LRRC7: variants seen among roughly 807,000 people sequenced by gnomAD.
LRRC7 encodes the protein leucine-rich repeat-containing protein 7.
In LRRC7, 23 loss-of-function variants were observed where a neutral mutation model predicts 175.7. That is an observed-to-expected ratio of 0.13 (90% CI 0.09 to 0.19). The LOEUF (loss-of-function observed/expected upper bound fraction) is 0.19, where lower values mean the gene tolerates loss of function less well. LRRC7 is among the 10% of genes least tolerant of loss of function. The probability of loss-of-function intolerance (pLI) is 1.00; values close to 1 mark genes in which losing one functional copy is unlikely to be tolerated. For synonymous variants in LRRC7, 685 were observed against 680.9 expected, an observed-to-expected ratio of 1.01 and a Z score of -0.09; for missense variants, 1,354 against 1,904.7, an observed-to-expected ratio of 0.71 and a Z score of 5.38.
intron 2 of LRRC7, among the ~76,000 whole-genome samples, chr1:69,701,446 A>G (rs1663340735): frequency 6.6e-6 from 1 of 152,174 alleles, no homozygotes; most frequent in Non-Finnish European, 1.5e-5. Flanking sequence ...CTCAATACAT[A>G]CTTGCTCATT....
chr1:69,710,664 TAAGGC>T (rs1242201804), intron 2 of LRRC7, among the ~76,000 whole-genome samples: 1 of 152,212 alleles, frequency 6.6e-6, no homozygotes. Context: ...TTGGAATGTC[TAAGGC>T]AGTGACCCAT....
chr1:69,859,908 A>G (rs1213134611), intron 7 of LRRC7, among the ~76,000 whole-genome samples: 1 of 151,968 alleles, frequency 6.6e-6, no homozygotes, highest in African/African-American at 2.4e-5. Flanking sequence ...AATTATATCA[A>G]TCTTTTAGTA....
chr1:69,595,976 A>G (rs1646826928), intron 1 of LRRC7, among the ~76,000 whole-genome samples: 1 of 151,690 alleles, frequency 6.6e-6, no homozygotes, highest in South Asian at 2.1e-4. Context: ...GTCTCATATA[A>G]AGTAGCTTGT....
intron 3 of LRRC7, among the ~76,000 whole-genome samples, chr1:69,784,185 C>T (rs1674131454): frequency 6.6e-6 from 1 of 151,944 alleles, no homozygotes; most frequent in Non-Finnish European, 1.5e-5. Context: ...ACACACAAAT[C>T]CAAACAATAT....
Position 70,038,994 on chromosome 1 carries a change from A to G in LRRC7, c.3170A>G (p.Gln1057Arg). ...TYGSSKGPQQ[Q>R]KASMTKKVYQ... is the part of the protein sequence containing the mutation. ...GGAAGTAGTAAGGGGCCACAACAAC[A>G]AAAAGCTTCTATGACAAAAAAAGTC... Residue 1057 changes from glutamine to arginine, a missense_variant, in exon 21 of 27, where the codon CAA becomes CGA. Gln to Arg is a conservative substitution (Grantham distance 43). Coordinates refer to ENST00000651989, the MANE Select transcript of LRRC7 (RefSeq NM_001370785.2). The G allele has an allele frequency of 6.2e-7, 1 of 1,613,980 alleles. No individual in the cohort carries two copies. The highest frequency in any genetic ancestry group is 8.5e-7 in the Non-Finnish European group (1 of 1,179,978).
chr1:69,655,024 A>G (rs540889279), intron 1 of LRRC7, among the ~76,000 whole-genome samples: 2 of 152,184 alleles, frequency 1.3e-5, no homozygotes, highest in Non-Finnish European at 2.9e-5. Context: ...GCAATGTTCT[A>G]TATCTCGAAG....
intron 7 of LRRC7, among the ~76,000 whole-genome samples, chr1:69,912,885 A>C (rs1646575506): frequency 6.6e-6 from 1 of 152,142 alleles, no homozygotes; most frequent in Non-Finnish European, 1.5e-5. Flanking sequence ...TGTTTTTTTT[A>C]ACAAATATAC....
At position 70,051,336 on chromosome 1, in the gene LRRC7, A is replaced by G. The variant is rs113386174; in HGVS notation, c.4111-1690A>G. 1.8e-3 allele frequency among the ~76,000 whole-genome samples: 275 copies of G among 152,190 alleles called. 3 individuals carry two copies. The highest frequency in any genetic ancestry group is 6.1e-3 in the African/African-American group (254 of 41,570). ...CACTAGCAAACAAACTAAGTCAGAAAAGATAAATACTAAAAATTCAAAAAG... is the reference window on the plus strand; with the variant it reads ...CACTAGCAAACAAACTAAGTCAGAAGAGATAAATACTAAAAATTCAAAAAG... On this transcript the variant is annotated intron_variant, in intron 22 of 26. Transcript: ENST00000651989.
At chr1:69,774,549 CAAAGA>C (rs1266395007) in intron 3 of LRRC7, among the ~76,000 whole-genome samples, 1 of 152,142 alleles carries the variant, frequency 6.6e-6, no homozygotes, top group Admixed American at 6.5e-5. Context: ...GCCACAGAAA[CAAAGA>C]AAAGTGAGGT....
At position 70,038,277 on chromosome 1, in the gene LRRC7, T is replaced by A. The variant is rs1659521079; in HGVS notation, c.2453T>A (p.Val818Asp). 6.2e-7 allele frequency: 1 copy of A among 1,614,070 alleles called. No individual in the cohort carries two copies. The change falls in exon 21 of 27, where the codon GTT becomes GAT. Residue 818 changes from valine (V) to aspartate (D), a missense_variant. Transcript: ENST00000651989. Reference sequence around the variant, plus strand: ...TCGCATTATGACAACACAGGGTTTGTTGCTGAGGAAACCACAGCCGAGAAT... The same window carrying A: ...TCGCATTATGACAACACAGGGTTTGATGCTGAGGAAACCACAGCCGAGAAT... Reference protein sequence around the residue: ...DGSHYDNTGFVAEETTAENAN... With the variant: ...DGSHYDNTGFDAEETTAENAN...
At chr1:69,635,967 A>T (rs1653290047) in intron 1 of LRRC7, among the ~76,000 whole-genome samples, 1 of 152,074 alleles carries the variant, frequency 6.6e-6, no homozygotes, top group Admixed American at 6.6e-5. Flanking sequence ...TAAATAAATT[A>T]ACAATTTCCC....
intron 22 of LRRC7, among the ~76,000 whole-genome samples, chr1:70,048,480 A>G (rs1466961387): frequency 6.6e-6 from 1 of 152,100 alleles, no homozygotes; most frequent in Admixed American, 6.6e-5. Flanking sequence ...GTGCCCACAT[A>G]CATACTCTTT....
chr1:69,816,497 C>T (rs1678617725), intron 4 of LRRC7, among the ~76,000 whole-genome samples: 1 of 152,116 alleles, frequency 6.6e-6, no homozygotes, highest in Non-Finnish European at 1.5e-5. Context: ...TTAGCAATTG[C>T]ATGGTTTTAT....
intron 4 of LRRC7, among the ~76,000 whole-genome samples, chr1:69,801,464 A>G (rs1676482688): frequency 6.6e-6 from 1 of 151,732 alleles, no homozygotes; most frequent in East Asian, 1.9e-4. Flanking sequence ...GTTTCTAGGA[A>G]TTCATTCATT....
At chr1:69,881,803 C>T (rs558424946) in intron 7 of LRRC7, among the ~76,000 whole-genome samples, 17 of 150,524 alleles carry the variant, frequency 1.1e-4, no homozygotes, top group South Asian at 4.2e-4. Flanking sequence ...TCACTGAAAC[C>T]GAGGAGAACA....
At chr1:69,749,620 T>C (rs189244706) in intron 2 of LRRC7, among the ~76,000 whole-genome samples, 1 of 152,114 alleles carries the variant, frequency 6.6e-6, no homozygotes, top group Non-Finnish European at 1.5e-5. Context: ...CAAATTATAA[T>C]TACAAACAAA....
chr1:69,860,347 G>T (rs1227675722), intron 7 of LRRC7, among the ~76,000 whole-genome samples: 1 of 151,720 alleles, frequency 6.6e-6, no homozygotes, highest in Non-Finnish European at 1.5e-5. Context: ...TATAATATAG[G>T]TACCATGATC....
At chr1:69,807,158 C>T (rs1677215903) in intron 4 of LRRC7, among the ~76,000 whole-genome samples, 1 of 151,994 alleles carries the variant, frequency 6.6e-6, no homozygotes, top group Non-Finnish European at 1.5e-5. Flanking sequence ...TTAAATAGTC[C>T]TCCATCTCTT....
chr1:69,909,608 T>G (rs1022221267), intron 7 of LRRC7, among the ~76,000 whole-genome samples: 2 of 152,210 alleles, frequency 1.3e-5, no homozygotes, highest in African/African-American at 2.4e-5. Context: ...CCCCACTCTC[T>G]TCTGGCTTGT....
Sources: gnomAD v4.1 joint callset for allele counts (sites outside exome capture counted in the v4.1 genomes callset) on GRCh38, gnomAD v4.1.1 for gene constraint, MANE v1.5 for transcripts, NCBI Gene and HGNC (gene_info 2026-07-23, HGNC 2026-07-21) for gene names.